The following ITGA9 variants were observed in gnomAD, a reference collection of about 807,000 sequenced individuals.
ITGA9 encodes integrin subunit alpha 9.
A neutral mutation model predicts 127.8 loss-of-function variants in ITGA9; 56 were observed. That is an observed-to-expected ratio of 0.44 (90% CI 0.35 to 0.55). The LOEUF (loss-of-function observed/expected upper bound fraction) is 0.55, where lower values mean the gene tolerates loss of function less well. Ranked by LOEUF, ITGA9 falls within the 20% of genes least tolerant of loss-of-function variation. ITGA9 has a pLI of 0.00. For synonymous variants in ITGA9, 508 were observed against 514.5 expected, an observed-to-expected ratio of 0.99 and a Z score of 0.17; for missense variants, 1,196 against 1,347.1, an observed-to-expected ratio of 0.89 and a Z score of 1.76.
chr3:37,576,189 G>A (rs946479646), intron 15 of ITGA9, among the ~76,000 whole-genome samples: 1 of 152,306 alleles, frequency 6.6e-6, no homozygotes, highest in East Asian at 1.9e-4. Context: ...GACATAGCTG[G>A]TAATGACAAA....
At chr3:37,790,380 G>C (rs1697093330) in intron 26 of ITGA9, 3 of 497,584 alleles carry the variant, frequency 6.0e-6, no homozygotes, top group Non-Finnish European at 1.2e-5. Flanking sequence ...TCATCTTGCT[G>C]ATTTCCCATT....
intron 17 of ITGA9, among the ~76,000 whole-genome samples, chr3:37,672,695 G>C (rs1036947620): frequency 1.3e-5 from 2 of 152,142 alleles, no homozygotes; most frequent in African/African-American, 4.8e-5. Context: ...AGGTGGTTTA[G>C]GGCTGAGGCT....
intron 18 of ITGA9, among the ~76,000 whole-genome samples, chr3:37,684,593 A>G (rs1700764133): frequency 6.6e-6 from 1 of 152,136 alleles, no homozygotes; most frequent in African/African-American, 2.4e-5. Flanking sequence ...CTCCCACCTC[A>G]TCCTCCCGAG....
At chr3:37,458,453 C>T (rs1342638502) in intron 1 of ITGA9, among the ~76,000 whole-genome samples, 1 of 152,238 alleles carries the variant, frequency 6.6e-6, no homozygotes, top group African/African-American at 2.4e-5. Context: ...GTCAACTCAA[C>T]AGAGATCACT....
chr3:37,483,547 C>T (rs931933453), intron 4 of ITGA9, among the ~76,000 whole-genome samples: 3 of 152,302 alleles, frequency 2.0e-5, no homozygotes, highest in African/African-American at 4.8e-5. Context: ...CTCCTCAGCA[C>T]GTTACCTGGG....
intron 1 of ITGA9, among the ~76,000 whole-genome samples, chr3:37,457,844 A>G (rs1388079830): frequency 2.0e-5 from 3 of 152,198 alleles, no homozygotes; most frequent in African/African-American, 7.2e-5. Flanking sequence ...TGCCCAGTGG[A>G]GAACCTTCCA....
intron 20 of ITGA9, among the ~76,000 whole-genome samples, chr3:37,739,012 T>G (rs1325409614): frequency 6.6e-6 from 1 of 152,208 alleles, no homozygotes; most frequent in Non-Finnish European, 1.5e-5. Flanking sequence ...TGCCTCTGCC[T>G]GGGGTGAGAC....
At chr3:37,811,813 GAGAC>G (rs1414087510) in intron 27 of ITGA9, among the ~76,000 whole-genome samples, 1 of 152,228 alleles carries the variant, frequency 6.6e-6, no homozygotes, top group Non-Finnish European at 1.5e-5. Flanking sequence ...AAGTGGCAAA[GAGAC>G]AGGCTGCAGA....
At position 37,611,874 on chromosome 3, in the gene ITGA9, C is replaced by T. The variant is rs543748522; in HGVS notation, c.1690-17313C>T. Among the ~76,000 whole-genome samples the T allele has an allele frequency of 4.6e-5, 7 of 152,192 alleles. No homozygotes were observed. In the South Asian group the frequency reaches 1.0e-3, roughly 23 times the overall value. On this transcript the variant is annotated intron_variant, in intron 15 of 27. Transcript: ENST00000264741. ...TGGAGCCCAGAGAGCCCACTCTCTG[C>T]GCTCTTCCCTTCCTATGGGCTCACA...
chr3:37,687,116 A>T (rs1405813488), intron 18 of ITGA9, among the ~76,000 whole-genome samples: 1 of 152,234 alleles, frequency 6.6e-6, no homozygotes. Flanking sequence ...CTACTTTTTG[A>T]TGAAAGTCAA....
intron 7 of ITGA9, among the ~76,000 whole-genome samples, chr3:37,507,015 G>A (rs1027016212): frequency 6.6e-6 from 1 of 152,192 alleles, no homozygotes; most frequent in African/African-American, 2.4e-5. Context: ...CAGTTGACTA[G>A]GCTTGACTAA....
chr3:37,716,363 A>G (rs1701135545), intron 18 of ITGA9, among the ~76,000 whole-genome samples: 1 of 152,066 alleles, frequency 6.6e-6, no homozygotes, highest in African/African-American at 2.4e-5. Context: ...GCAGAACGAA[A>G]AAATGGTATG....
At chr3:37,751,297 A>G (rs925189186) in intron 23 of ITGA9, among the ~76,000 whole-genome samples, 1 of 152,112 alleles carries the variant, frequency 6.6e-6, no homozygotes, top group African/African-American at 2.4e-5. Context: ...GACCCAGCAG[A>G]AGAAAGCCGC....
At chr3:37,740,179 A>C (rs1441192283) in intron 20 of ITGA9, among the ~76,000 whole-genome samples, 2 of 152,246 alleles carry the variant, frequency 1.3e-5, no homozygotes, top group East Asian at 3.9e-4. Context: ...GCAGTGGGGC[A>C]GGGCTTGGAG....
chr3:37,585,319 C>T (rs1699747408), intron 15 of ITGA9, among the ~76,000 whole-genome samples: 1 of 152,064 alleles, frequency 6.6e-6, no homozygotes, highest in Non-Finnish European at 1.5e-5. Context: ...CTTGTTTTTC[C>T]TCTCCTCTGG....
chr3:37,772,418 C>A (rs944251639), intron 23 of ITGA9, among the ~76,000 whole-genome samples: 9 of 151,130 alleles, frequency 6.0e-5, no homozygotes, highest in African/African-American at 1.5e-4. Flanking sequence ...AAAAAAAAAA[C>A]AAAAATGTGG....
At chr3:37,470,967 A>G (rs752281345) in intron 1 of ITGA9, 40 bp from the exon 2 acceptor site, 22 of 1,612,672 alleles carry the variant, frequency 1.4e-5, no homozygotes, top group Non-Finnish European at 1.6e-5. Context: ...CTATTTTCTT[A>G]TCGTAGGTTG....
rs1700553719 is a variant in ITGA9, at chr3:37,663,086, G to A, written c.1916+9296G>A. On this transcript the variant is annotated intron_variant, in intron 17 of 27. Coordinates refer to ENST00000264741, the MANE Select transcript of ITGA9 (RefSeq NM_002207.3). Reference sequence around the variant, plus strand: ...CAATTAGAAGTTCATGATCTTTAATGGGCTTGAGTCCAGTTCCAAAACAGG... The same window carrying A: ...CAATTAGAAGTTCATGATCTTTAATAGGCTTGAGTCCAGTTCCAAAACAGG... Among the ~76,000 whole-genome samples, 12 of 152,196 alleles carry A rather than the reference G, an allele frequency of 7.9e-5. 1 individual carries two copies. Among genetic ancestry groups the A allele is most frequent in the Admixed American group, 7.9e-4 (12 of 15,280 alleles).
chr3:37,623,927 T>C (rs1317717570), intron 15 of ITGA9, among the ~76,000 whole-genome samples: 1 of 151,968 alleles, frequency 6.6e-6, no homozygotes, highest in African/African-American at 2.4e-5. Context: ...TTTCTAGGAG[T>C]GTCTACAAGA....
Sources: allele counts gnomAD v4.1 joint callset (sites outside exome capture counted in the v4.1 genomes callset), GRCh38; gene constraint gnomAD v4.1.1; transcripts MANE v1.5; gene names NCBI Gene and HGNC (gene_info 2026-07-23, HGNC 2026-07-21).